Variants in FANCC observed in about 807,000 individuals in gnomAD.
The protein encoded by FANCC is Fanconi anemia group C protein.
In FANCC, 55 loss-of-function variants were observed where a neutral mutation model predicts 71.3. The observed-to-expected ratio is 0.77, with a 90% confidence interval of 0.62 to 0.97. FANCC has a LOEUF of 0.97. Among genes scored for constraint, FANCC ranks in the 50% least tolerant of loss-of-function variants. The probability of loss-of-function intolerance (pLI) is 0.00; values close to 1 mark genes in which losing one functional copy is unlikely to be tolerated. For missense variants in FANCC, 678 were observed against 670.9 expected (o/e 1.01, Z -0.12); for synonymous variants, 275 against 244.9 (o/e 1.12, Z -1.15).
At chr9:95,278,881 T>TA (rs1833206360) in intron 1 of FANCC, among the ~76,000 whole-genome samples, 3 of 151,712 alleles carry the variant, frequency 2.0e-5, no homozygotes, top group Admixed American at 2.0e-4. Context: ...ATTAAAATGC[T>TA]ACATTATGAA....
chr9:95,184,388 A>G (rs1348592268), intron 4 of FANCC, among the ~76,000 whole-genome samples: 3 of 152,274 alleles, frequency 2.0e-5, no homozygotes, highest in Non-Finnish European at 4.4e-5. Flanking sequence ...GACAAACTAG[A>G]AATTAAAACA....
At chr9:95,296,170 A>C (rs1015817152) in intron 1 of FANCC, among the ~76,000 whole-genome samples, 18 of 152,234 alleles carry the variant, frequency 1.2e-4, no homozygotes, top group Non-Finnish European at 2.6e-4. Context: ...TTAAAAATCA[A>C]AACAAACCTT....
chr9:95,136,121 T>A (rs1369254375), intron 7 of FANCC, among the ~76,000 whole-genome samples: 27 of 152,206 alleles, frequency 1.8e-4, no homozygotes, highest in Admixed American at 1.8e-3. Context: ...CCAGATGCAG[T>A]GGCTCACACC....
chr9:95,122,079 C>T (rs1053764964), intron 10 of FANCC, among the ~76,000 whole-genome samples: 10 of 151,936 alleles, frequency 6.6e-5, no homozygotes, highest in South Asian at 2.1e-4. Flanking sequence ...AGGATGGTCT[C>T]GATCTCCTGA....
chr9:95,242,535 TA>T (rs1362490255), intron 3 of FANCC, among the ~76,000 whole-genome samples: 1 of 151,112 alleles, frequency 6.6e-6, no homozygotes, highest in Non-Finnish European at 1.5e-5. Flanking sequence ...TTATGAAGCT[TA>T]AATCTAAAAG....
intron 1 of FANCC, among the ~76,000 whole-genome samples, chr9:95,258,234 C>A (rs1034925104): frequency 1.3e-5 from 2 of 152,038 alleles, no homozygotes; most frequent in African/African-American, 2.4e-5. Flanking sequence ...AGAGACACAA[C>A]AAAAAAAGAA....
rs144995172 is a variant in FANCC at position 95,239,018 on chromosome 9, C to T, written c.345+1631G>A. 4.4e-3 allele frequency among the ~76,000 whole-genome samples: 664 copies of T among 152,304 alleles called. 4 individuals are homozygous for T. Among genetic ancestry groups the T allele is most frequent in the Middle Eastern group, 6.8e-3 (2 of 294 alleles). ...AGTTCCAGGCACACTTAAGTACCCA[C>T]AGTTCCCTGAATACGTTTGCTTTCT... On this transcript the variant is annotated intron_variant, in intron 4 of 14. Transcript: ENST00000289081.
intron 4 of FANCC, 118 bp downstream of exon 4, chr9:95,240,531 A>G: frequency 1.4e-6 from 1 of 705,472 alleles, no homozygotes; most frequent in Non-Finnish European, 2.5e-6. Context: ...GGTATGTTTG[A>G]AAAAGTTTCT....
At chr9:95,161,658 C>G (rs967742515) in intron 6 of FANCC, among the ~76,000 whole-genome samples, 2 of 152,070 alleles carry the variant, frequency 1.3e-5, no homozygotes, top group African/African-American at 2.4e-5. Flanking sequence ...TACAATTTAC[C>G]ATTTTAACCA....
At chr9:95,168,153 C>T (rs896292638) in intron 6 of FANCC, among the ~76,000 whole-genome samples, 3 of 152,184 alleles carry the variant, frequency 2.0e-5, no homozygotes, top group African/African-American at 7.2e-5. Context: ...TCCAGTGCTG[C>T]AACAAGCTGC....
chr9:95,297,182 G>A (rs1005570774), intron 1 of FANCC, among the ~76,000 whole-genome samples: 2 of 152,184 alleles, frequency 1.3e-5, no homozygotes, highest in Non-Finnish European at 2.9e-5. Flanking sequence ...TCAGCAAAGT[G>A]TAGACTAACA....
At chr9:95,249,695 T>C (rs557416645) in intron 1 of FANCC, among the ~76,000 whole-genome samples, 2 of 152,360 alleles carry the variant, frequency 1.3e-5, no homozygotes, top group Middle Eastern at 3.4e-3. Context: ...GAATATGAAG[T>C]TGACTTGAGT....
At chr9:95,245,330 A>G (rs940510612) in intron 3 of FANCC, among the ~76,000 whole-genome samples, 6 of 152,068 alleles carry the variant, frequency 3.9e-5, no homozygotes. Context: ...GTGAACATGG[A>G]CTGCACAGAA....
intron 1 of FANCC, among the ~76,000 whole-genome samples, chr9:95,259,989 G>A (rs1160068616): frequency 6.6e-6 from 1 of 152,186 alleles, no homozygotes; most frequent in African/African-American, 2.4e-5. Flanking sequence ...ACCACAATGA[G>A]ACACCATCTC....
chr9:95,138,040 G>A (rs1205275679), intron 7 of FANCC, among the ~76,000 whole-genome samples: 1 of 152,264 alleles, frequency 6.6e-6, no homozygotes, highest in African/African-American at 2.4e-5. Flanking sequence ...AAGGCGCAGA[G>A]GAGTGGGAAA....
intron 11 of FANCC, among the ~76,000 whole-genome samples, chr9:95,115,317 C>T (rs2072304822): frequency 6.6e-6 from 1 of 152,192 alleles, no homozygotes; most frequent in Admixed American, 6.5e-5. Context: ...CTGGGAAATG[C>T]CGGGTTGCGG....
rs1834272996 is a variant in FANCC at position 95,294,793 on chromosome 9, A to G, written c.-79+22733T>C. On this transcript the variant is annotated intron_variant, in intron 1 of 14. Coordinates refer to ENST00000289081, the MANE Select transcript of FANCC (RefSeq NM_000136.3). ...AACCCAGACTTCTGCGGAACCACACACAGTCTCCAACTTCTAAAACTAACA... is the reference window on the plus strand; with the variant it reads ...AACCCAGACTTCTGCGGAACCACACGCAGTCTCCAACTTCTAAAACTAACA... 7.1e-6 allele frequency: 11 copies of G among 1,549,276 alleles called. No homozygotes were observed. The South Asian group carries it at 1.2e-4, about 16-fold the overall frequency.
intron 4 of FANCC, among the ~76,000 whole-genome samples, chr9:95,214,793 A>G (rs1349562512): frequency 6.6e-6 from 1 of 152,236 alleles, no homozygotes; most frequent in African/African-American, 2.4e-5. Flanking sequence ...TGAGGTACTT[A>G]GAGTAGTCAA....
intron 1 of FANCC, among the ~76,000 whole-genome samples, chr9:95,303,750 C>G (rs1272477666): frequency 3.9e-5 from 6 of 152,196 alleles, no homozygotes; most frequent in Non-Finnish European, 8.8e-5. Context: ...CTAAAGGCTC[C>G]ATCTCCAAAT....
Sources: gnomAD v4.1 joint callset for allele counts (sites outside exome capture counted in the v4.1 genomes callset) on GRCh38, gnomAD v4.1.1 for gene constraint, MANE v1.5 for transcripts, NCBI Gene and HGNC (gene_info 2026-07-23, HGNC 2026-07-21) for gene names.